The following TBC1D22A variants were observed in gnomAD, a reference collection of about 807,000 sequenced individuals.
TBC1D22A encodes TBC1 domain family member 22A.
A neutral mutation model predicts 60.2 loss-of-function variants in TBC1D22A; 38 were observed. The ratio of observed to expected loss-of-function variants is 0.63; its 90% CI spans 0.49 to 0.83. TBC1D22A has a LOEUF of 0.83. Among genes scored for constraint, TBC1D22A ranks in the 40% least tolerant of loss-of-function variants. The pLI, the probability that TBC1D22A is intolerant of heterozygous loss-of-function variation, is 0.00. For missense variants in TBC1D22A, 628 were observed against 701.0 expected (o/e 0.90, Z 1.18); for synonymous variants, 302 against 281.7 (o/e 1.07, Z -0.72).
intron 1 of TBC1D22A, chr22:46,763,122 C>T (rs965065189): frequency 2.3e-6 from 1 of 429,254 alleles, no homozygotes; most frequent in Non-Finnish European, 4.1e-6. Context: ...CGAGAAACTC[C>T]TGGGCTCCTT....
chr22:47,005,120 C>T (rs529264799), intron 10 of TBC1D22A, among the ~76,000 whole-genome samples: 3 of 151,916 alleles, frequency 2.0e-5, no homozygotes, highest in Admixed American at 6.5e-5. Flanking sequence ...TTCACACACT[C>T]TTACACACGT....
intron 1 of TBC1D22A, among the ~76,000 whole-genome samples, chr22:46,782,204 A>G (rs801617): frequency 0.67 from 101,459 of 152,146 alleles, 33,905 homozygotes; most frequent in Middle Eastern, 0.79. Context: ...ACAGGCGTGC[A>G]CCATCACACC....
intron 8 of TBC1D22A, among the ~76,000 whole-genome samples, chr22:46,935,589 G>A (rs1161619735): frequency 1.3e-5 from 2 of 152,184 alleles, no homozygotes; most frequent in Non-Finnish European, 2.9e-5. Flanking sequence ...CTGTGATTCC[G>A]TCTCGCCCCC....
intron 12 of TBC1D22A, among the ~76,000 whole-genome samples, chr22:47,138,574 T>C (rs2066963183): frequency 6.6e-6 from 1 of 152,230 alleles, no homozygotes; most frequent in Non-Finnish European, 1.5e-5. Flanking sequence ...AGGCAGGTTT[T>C]GGCAAAGGCC....
intron 12 of TBC1D22A, among the ~76,000 whole-genome samples, chr22:47,162,698 CGGA>C (rs1569479285): frequency 1.6e-4 from 17 of 106,544 alleles, no homozygotes; most frequent in African/African-American, 7.6e-4. Context: ...AATGGGACTG[CGGA>C]CCCGGTGCAG....
intron 9 of TBC1D22A, among the ~76,000 whole-genome samples, chr22:46,979,412 T>G (rs1042511694): frequency 1.8e-4 from 28 of 152,240 alleles, no homozygotes. Context: ...GAATAACTGA[T>G]TTGTCTGCTA....
At chr22:47,031,106 T>C (rs150030517) in intron 10 of TBC1D22A, among the ~76,000 whole-genome samples, 2 of 152,330 alleles carry the variant, frequency 1.3e-5, no homozygotes, top group African/African-American at 2.4e-5. Flanking sequence ...GCGCTTGCCA[T>C]GGAGTCCCTT....
At chr22:46,871,475 G>A (rs2067291521) in intron 4 of TBC1D22A, among the ~76,000 whole-genome samples, 1 of 152,130 alleles carries the variant, frequency 6.6e-6, no homozygotes, top group Middle Eastern at 3.2e-3. Flanking sequence ...AAAAGTTATA[G>A]TAAATATCAG....
chr22:47,045,825 T>A, intron 11 of TBC1D22A, among the ~76,000 whole-genome samples: 1 of 152,202 alleles, frequency 6.6e-6, no homozygotes, highest in South Asian at 2.1e-4. Context: ...GCTGTACGGA[T>A]TGGTGTGGGG....
chr22:47,005,135 A>T (rs1183436210), intron 10 of TBC1D22A, among the ~76,000 whole-genome samples: 1 of 151,746 alleles, frequency 6.6e-6, no homozygotes, highest in African/African-American at 2.4e-5. Flanking sequence ...ACACGTGTCT[A>T]TACACAAACA....
Position 46,990,604 on chromosome 22 carries a change from C to T in TBC1D22A, c.1126-7030C>T, listed in dbSNP as rs529989064. 1.7e-4 allele frequency among the ~76,000 whole-genome samples: 26 copies of T among 152,258 alleles called. No individual in the cohort carries two copies. The highest frequency in any genetic ancestry group is 1.5e-3 in the East Asian group (8 of 5,180). ...TGACATGAGTCCACCAAGAAAGTGTCGCACAGTGTCGTCCCCTGCCCTGAA... is the reference window on the plus strand; with the variant it reads ...TGACATGAGTCCACCAAGAAAGTGTTGCACAGTGTCGTCCCCTGCCCTGAA... On this transcript the variant is annotated intron_variant, in intron 9 of 12. Transcript: ENST00000337137. The surrounding 1 kb of genome is among the most constrained non-coding windows in gnomAD (Gnocchi z 4.6).
At chr22:46,834,034 C>T (rs972201236) in intron 4 of TBC1D22A, among the ~76,000 whole-genome samples, 3 of 151,734 alleles carry the variant, frequency 2.0e-5, no homozygotes, top group South Asian at 2.1e-4. Context: ...CACTTTTATT[C>T]GTAGCATTTT....
At chr22:47,108,053 T>C (rs2065700588) in intron 11 of TBC1D22A, among the ~76,000 whole-genome samples, 1 of 152,172 alleles carries the variant, frequency 6.6e-6, no homozygotes, top group Admixed American at 6.5e-5. Flanking sequence ...TCTTCAAAAG[T>C]CACTATTAAG....
intron 12 of TBC1D22A, among the ~76,000 whole-genome samples, chr22:47,115,048 G>GGGTGA (rs2065983639): frequency 6.6e-6 from 1 of 151,864 alleles, no homozygotes; most frequent in Non-Finnish European, 1.5e-5. Flanking sequence ...GGGCGGGGCG[G>GGGTGA]GGTGAGGTGA....
intron 7 of TBC1D22A, among the ~76,000 whole-genome samples, chr22:46,909,441 G>A (rs1045998583): frequency 6.6e-6 from 1 of 152,158 alleles, no homozygotes; most frequent in Admixed American, 6.5e-5. Flanking sequence ...TCCCTGGGCT[G>A]TAGAGGATGC....
At chr22:47,155,126 A>G (rs1287678398) in intron 12 of TBC1D22A, among the ~76,000 whole-genome samples, 1 of 152,142 alleles carries the variant, frequency 6.6e-6, no homozygotes, top group Non-Finnish European at 1.5e-5. Flanking sequence ...TAGGGATGAA[A>G]TGGAAGGGCA....
intron 4 of TBC1D22A, among the ~76,000 whole-genome samples, chr22:46,872,399 A>G (rs918942251): frequency 1.3e-5 from 2 of 152,244 alleles, no homozygotes; most frequent in African/African-American, 4.8e-5. Flanking sequence ...ATGAATATAG[A>G]CAAAAAATTC....
At chr22:46,994,776 C>T (rs1057338849) in intron 9 of TBC1D22A, among the ~76,000 whole-genome samples, 4 of 152,204 alleles carry the variant, frequency 2.6e-5, no homozygotes, top group Non-Finnish European at 4.4e-5. Context: ...GGTTAAATTA[C>T]ATGATGTAAA....
At chr22:46,906,051 C>T (rs767594250) in intron 7 of TBC1D22A, among the ~76,000 whole-genome samples, 1 of 152,006 alleles carries the variant, frequency 6.6e-6, no homozygotes, top group Non-Finnish European at 1.5e-5. Context: ...CAGCCACGTG[C>T]GGGGCGCCTG....
Sources: gnomAD v4.1 joint callset for allele counts (sites outside exome capture counted in the v4.1 genomes callset) on GRCh38, gnomAD v4.1.1 for gene constraint, Gnocchi (gnomAD v3.1) non-coding constraint, MANE v1.5 for transcripts, NCBI Gene and HGNC (gene_info 2026-07-23, HGNC 2026-07-21) for gene names.